ACOXL: variants seen among roughly 807,000 people sequenced by gnomAD.
ACOXL encodes the protein acyl-CoA oxidase like.
ACOXL carries 70 observed loss-of-function variants against 71.9 expected under a neutral mutation model. That is an observed-to-expected ratio of 0.97 (90% confidence interval 0.80 to 1.19). The LOEUF (loss-of-function observed/expected upper bound fraction) is 1.19. ACOXL is among the 50% of genes most tolerant of loss of function. The probability of loss-of-function intolerance (pLI) is 0.00; values close to 1 mark genes in which losing one functional copy is unlikely to be tolerated. For synonymous variants in ACOXL, 253 were observed against 281.6 expected (o/e 0.90, Z 1.02); for missense variants, 703 against 736.3 (o/e 0.95, Z 0.52).
chr2:111,029,033 A>G (rs1437671306), intron 14 of ACOXL, among the ~76,000 whole-genome samples: 3 of 152,178 alleles, frequency 2.0e-5, no homozygotes, highest in East Asian at 1.9e-4. Context: ...CTGTGTTGCA[A>G]TTTCCTACCT....
chr2:110,803,169 C>T (rs1268765946), intron 8 of ACOXL, among the ~76,000 whole-genome samples: 16 of 152,182 alleles, frequency 1.1e-4, no homozygotes, highest in Non-Finnish European at 1.5e-5. Context: ...CCCAGGCCCC[C>T]TCAGGACCAC....
At chr2:110,921,562 T>C (rs2060078970) in intron 11 of ACOXL, among the ~76,000 whole-genome samples, 1 of 152,076 alleles carries the variant, frequency 6.6e-6, no homozygotes, top group Admixed American at 6.5e-5. Flanking sequence ...TCCGGCTAAC[T>C]TTTTGTACTT....
intron 11 of ACOXL, among the ~76,000 whole-genome samples, chr2:110,928,650 C>T (rs1259574967): frequency 6.6e-6 from 1 of 152,188 alleles, no homozygotes; most frequent in Non-Finnish European, 1.5e-5. Context: ...TGGTATTTCT[C>T]ATGAATCTTA....
chr2:111,066,038 C>A (rs1235699698), intron 16 of ACOXL, among the ~76,000 whole-genome samples: 2 of 152,126 alleles, frequency 1.3e-5, no homozygotes, highest in Non-Finnish European at 2.9e-5. Context: ...TTTATCCCCC[C>A]AAAAATGAAA....
At chr2:111,032,427 C>A (rs900754476) in intron 15 of ACOXL, among the ~76,000 whole-genome samples, 3 of 152,220 alleles carry the variant, frequency 2.0e-5, no homozygotes, top group South Asian at 2.1e-4. Context: ...TGGCTTCAGT[C>A]GACCAAAATA....
intron 12 of ACOXL, among the ~76,000 whole-genome samples, chr2:110,966,137 C>G: frequency 6.6e-6 from 1 of 152,168 alleles, no homozygotes; most frequent in Non-Finnish European, 1.5e-5. Flanking sequence ...TACTCCCATC[C>G]CCCACCCAGT....
intron 9 of ACOXL, among the ~76,000 whole-genome samples, chr2:110,820,862 A>C (rs963472253): frequency 6.6e-6 from 1 of 152,158 alleles, no homozygotes; most frequent in African/African-American, 2.4e-5. Flanking sequence ...GGAAAACTCT[A>C]ATCAAAAAAG....
intron 15 of ACOXL, among the ~76,000 whole-genome samples, chr2:111,035,123 C>T (rs912415828): frequency 6.6e-6 from 1 of 152,082 alleles, no homozygotes; most frequent in Admixed American, 6.5e-5. Context: ...ACCTCGGCCT[C>T]CCAAAGTGCT....
chr2:110,742,190 C>T (rs1015114289), intron 1 of ACOXL, among the ~76,000 whole-genome samples: 1 of 152,136 alleles, frequency 6.6e-6, no homozygotes, highest in African/African-American at 2.4e-5. Flanking sequence ...GAGAACAAAG[C>T]ATGTTTTTGA....
intron 10 of ACOXL, among the ~76,000 whole-genome samples, chr2:110,907,259 T>C (rs2149232134): frequency 6.6e-6 from 1 of 152,284 alleles, no homozygotes; most frequent in East Asian, 1.9e-4. Flanking sequence ...CTTTTCTTTT[T>C]ATAAGGCCAC....
At chr2:110,794,695 G>A (rs955033504) in intron 5 of ACOXL, among the ~76,000 whole-genome samples, 1 of 152,148 alleles carries the variant, frequency 6.6e-6, no homozygotes, top group Non-Finnish European at 1.5e-5. Context: ...TCACCAAACG[G>A]TCTGACTCTT....
At chr2:110,918,070 T>C (rs1267394864) in intron 11 of ACOXL, among the ~76,000 whole-genome samples, 2 of 152,202 alleles carry the variant, frequency 1.3e-5, no homozygotes, top group Non-Finnish European at 2.9e-5. Context: ...TTAAATTTCA[T>C]GTGGAACCAA....
intron 11 of ACOXL, among the ~76,000 whole-genome samples, chr2:110,924,147 C>T (rs776523252): frequency 4.6e-5 from 7 of 152,112 alleles, no homozygotes; most frequent in East Asian, 1.9e-4. Context: ...AATATACATA[C>T]GTCTGTTAAA....
intron 11 of ACOXL, among the ~76,000 whole-genome samples, chr2:110,924,691 T>C (rs1468690601): frequency 2.0e-5 from 3 of 152,040 alleles, no homozygotes; most frequent in Non-Finnish European, 4.4e-5. Context: ...AGTGACTTTC[T>C]CCAATGAAGT....
intron 16 of ACOXL, among the ~76,000 whole-genome samples, chr2:111,050,645 C>T (rs2066245582): frequency 6.6e-6 from 1 of 152,182 alleles, no homozygotes; most frequent in Non-Finnish European, 1.5e-5. Context: ...GTCCATCTCT[C>T]CCCATTTGCA....
At chr2:111,089,081 A>G (rs567493848) in intron 16 of ACOXL, among the ~76,000 whole-genome samples, 46 of 152,292 alleles carry the variant, frequency 3.0e-4, no homozygotes, top group African/African-American at 9.9e-4. Flanking sequence ...CAGGTGGATC[A>G]CAAGGTCAAG....
chr2:111,000,327 G>A (rs1040913151), intron 14 of ACOXL, among the ~76,000 whole-genome samples: 6 of 152,268 alleles, frequency 3.9e-5, no homozygotes, highest in East Asian at 1.9e-4. Flanking sequence ...TGTCCATCCC[G>A]CAAGTTGAAG....
intron 14 of ACOXL, among the ~76,000 whole-genome samples, chr2:111,018,427 C>T (rs957228902): frequency 6.6e-6 from 1 of 152,280 alleles, no homozygotes; most frequent in Middle Eastern, 3.4e-3. Context: ...GCAAGTTCAG[C>T]CTGGGCGTGA....
chr2:111,024,851 A>T (rs989876339), intron 14 of ACOXL, among the ~76,000 whole-genome samples: 5 of 150,002 alleles, frequency 3.3e-5, no homozygotes, highest in Non-Finnish European at 5.9e-5. Flanking sequence ...GGTGAGATTT[A>T]AAAAAAAAGA....
Sources: gnomAD v4.1 joint callset for allele counts (sites outside exome capture counted in the v4.1 genomes callset) on GRCh38, gnomAD v4.1.1 for gene constraint, MANE v1.5 for transcripts, NCBI Gene and HGNC (gene_info 2026-07-23, HGNC 2026-07-21) for gene names.